Variants in XRN1 observed in about 807,000 individuals in gnomAD.
The protein encoded by XRN1 is 5'-3' exoribonuclease 1, also known as strand-exchange protein 1 homolog.
A neutral mutation model predicts 222.3 loss-of-function variants in XRN1; 67 were observed. The observed-to-expected ratio is 0.30, with a 90% CI of 0.25 to 0.37. The LOEUF is 0.37. XRN1 is among the 10% of genes least tolerant of loss of function. The pLI is 1.00. For missense variants in XRN1, 1,707 were observed against 2,000.2 expected (o/e 0.85, Z 2.80); for synonymous variants, 643 against 652.4 (o/e 0.99, Z 0.22).
At chr3:142,439,253 G>A (rs2070082229) in intron 1 of XRN1, among the ~76,000 whole-genome samples, 2 of 152,204 alleles carry the variant, frequency 1.3e-5, no homozygotes, top group Non-Finnish European at 2.9e-5. Flanking sequence ...CGCCATAACT[G>A]CAGCCCGAGA....
At chr3:142,380,278 T>G (rs2067264425) in intron 22 of XRN1, 98 bp from the exon 23 acceptor site, 1 of 977,180 alleles carries the variant, frequency 1.0e-6, no homozygotes, top group Non-Finnish European at 1.5e-6. Context: ...TATGACAAGT[T>G]GGATAGTGGA....
At chr3:142,398,707 A>G (rs1366113762) in intron 19 of XRN1, among the ~76,000 whole-genome samples, 1 of 152,158 alleles carries the variant, frequency 6.6e-6, no homozygotes, top group African/African-American at 2.4e-5. Context: ...ACCTGAATCT[A>G]ATTCAGCTAC....
At chr3:142,416,987 C>T (rs2068813153) in intron 13 of XRN1, among the ~76,000 whole-genome samples, 153 bp downstream of exon 13, 1 of 140,920 alleles carries the variant, frequency 7.1e-6, no homozygotes, top group Non-Finnish European at 1.5e-5. Context: ...CGAGATCATG[C>T]CACTGCACTC....
At chr3:142,433,894 G>A (rs1286169977) in intron 1 of XRN1, among the ~76,000 whole-genome samples, 1 of 152,108 alleles carries the variant, frequency 6.6e-6, no homozygotes, top group Non-Finnish European at 1.5e-5. Flanking sequence ...TGAGTTTTGG[G>A]AGTGAAAAGT....
chr3:142,418,393 T>G, intron 12 of XRN1, 111 bp downstream of exon 12: 1 of 802,968 alleles, frequency 1.2e-6, no homozygotes, highest in South Asian at 1.9e-5. Context: ...CAATAATTCA[T>G]GAAACCAAAA....
chr3:142,365,826 T>A (rs1316298220), intron 27 of XRN1, among the ~76,000 whole-genome samples: 1 of 152,166 alleles, frequency 6.6e-6, no homozygotes, highest in African/African-American at 2.4e-5. Flanking sequence ...CCTATTCAAA[T>A]GTCTTTTTTA....
chr3:142,395,095 G>C (rs1205714820), intron 20 of XRN1, among the ~76,000 whole-genome samples: 1 of 152,166 alleles, frequency 6.6e-6, no homozygotes, highest in Non-Finnish European at 1.5e-5. Flanking sequence ...TATTGTTAGA[G>C]CCATGGAATC....
chr3:142,446,677 C>A (rs1407362519), intron 1 of XRN1, among the ~76,000 whole-genome samples: 1 of 152,174 alleles, frequency 6.6e-6, no homozygotes, highest in East Asian at 1.9e-4. Flanking sequence ...GCAAGAAAAG[C>A]CAAAGTTGGT....
intron 15 of XRN1, 123 bp from the exon 16 acceptor site, chr3:142,405,199 A>G (rs1051594505): frequency 1.7e-5 from 15 of 882,012 alleles, no homozygotes; most frequent in Non-Finnish European, 2.6e-5. Flanking sequence ...ACAAAAAACC[A>G]AAATCTTAAC....
intron 32 of XRN1, among the ~76,000 whole-genome samples, chr3:142,355,006 T>C (rs1185696979): frequency 6.7e-6 from 1 of 149,520 alleles, no homozygotes; most frequent in East Asian, 2.0e-4. Context: ...TTCTCACTTA[T>C]AAGTGGGAGC....
At chr3:142,420,879 A>G in intron 10 of XRN1, 137 bp downstream of exon 10, 2 of 1,085,706 alleles carry the variant, frequency 1.8e-6, no homozygotes, top group Non-Finnish European at 2.7e-6. Flanking sequence ...AACCAAATCA[A>G]TTTCTGAAAT....
At chr3:142,431,184 C>T (rs1373250643) in intron 2 of XRN1, among the ~76,000 whole-genome samples, 1 of 152,212 alleles carries the variant, frequency 6.6e-6, no homozygotes, top group Non-Finnish European at 1.5e-5. Context: ...TACTACAGTA[C>T]TATCATTTGC....
chr3:142,332,396 G>A lies in XRN1; in HGVS notation c.4201C>T (p.Pro1401Ser). Residue 1401 changes from proline to serine, a missense_variant, in exon 36 of 41, where the codon CCT (proline) becomes TCT (serine). Transcript: ENST00000392981. ...TTACCTAATTTCTTATTTTGTTTAG[G>A]CTGAGAGGGTAATCCATATTCATCT... ...RRDEYGLPSQ[P>S]KQNKKLASYM... is the part of the protein sequence containing the mutation. 1 of 1,607,200 alleles carries A rather than the reference G, an allele frequency of 6.2e-7. No homozygotes were observed. The highest frequency in any genetic ancestry group is 8.5e-7 in the Non-Finnish European group (1 of 1,175,886).
chr3:142,418,271 A>G, intron 12 of XRN1: 1 of 414,064 alleles, frequency 2.4e-6, no homozygotes, highest in Non-Finnish European at 4.2e-6. Context: ...CTTTGTAACA[A>G]AAATCCTTAT....
intron 13 of XRN1, among the ~76,000 whole-genome samples, chr3:142,414,979 C>G (rs2068728226): frequency 6.6e-6 from 1 of 152,158 alleles, no homozygotes; most frequent in Non-Finnish European, 1.5e-5. Context: ...TCACTTGAGC[C>G]TGGATCATTT....
chr3:142,419,796 A>G (rs2068933674), intron 10 of XRN1, among the ~76,000 whole-genome samples: 1 of 151,664 alleles, frequency 6.6e-6, no homozygotes, highest in South Asian at 2.1e-4. Flanking sequence ...TGACAGAGTG[A>G]CATGCTGTCT....
intron 18 of XRN1, among the ~76,000 whole-genome samples, chr3:142,401,965 T>C (rs761840650): frequency 1.3e-5 from 2 of 152,144 alleles, no homozygotes; most frequent in Non-Finnish European, 2.9e-5. Context: ...CTATTTAACT[T>C]TGGAATCACT....
intron 32 of XRN1, among the ~76,000 whole-genome samples, chr3:142,351,623 C>T (rs1199504312): frequency 1.3e-5 from 2 of 152,068 alleles, no homozygotes; most frequent in East Asian, 3.9e-4. Flanking sequence ...AATTAACTCC[C>T]TCCCGCTCTC....
chr3:142,349,921 G>C (rs538195782), intron 32 of XRN1, among the ~76,000 whole-genome samples: 22 of 152,156 alleles, frequency 1.4e-4, no homozygotes, highest in Non-Finnish European at 2.8e-4. Flanking sequence ...CAAGGAAATA[G>C]GAGATTTTGA....
Sources: gnomAD v4.1 joint callset for allele counts (sites outside exome capture counted in the v4.1 genomes callset) on GRCh38, gnomAD v4.1.1 for gene constraint, MANE v1.5 for transcripts, NCBI Gene and HGNC (gene_info 2026-07-23, HGNC 2026-07-21) for gene names.